SLC44A5: variants seen among roughly 807,000 people sequenced by gnomAD.
SLC44A5 encodes the protein solute carrier family 44 member 5.
Under a neutral mutation model 101.8 loss-of-function variants are expected in SLC44A5, and 57 were observed. The ratio of observed to expected loss-of-function variants is 0.56; its 90% CI spans 0.45 to 0.70. The LOEUF (loss-of-function observed/expected upper bound fraction) is 0.70. SLC44A5 is among the 30% of genes least tolerant of loss of function. The pLI is 0.00. For synonymous variants in SLC44A5, 281 were observed against 290.9 expected, an observed-to-expected ratio of 0.97 and a Z score of 0.35; for missense variants, 737 against 853.1, an observed-to-expected ratio of 0.86 and a Z score of 1.70.
At chr1:75,456,053 T>A (rs1276892651) in intron 2 of SLC44A5, among the ~76,000 whole-genome samples, 1 of 152,148 alleles carries the variant, frequency 6.6e-6, no homozygotes, top group African/African-American at 2.4e-5. Flanking sequence ...AAAAGACACA[T>A]GTACTTCCCT....
the SLC44A5 span, among the ~76,000 whole-genome samples, chr1:75,653,374 C>T: frequency 2.6e-5 from 4 of 152,018 alleles, no homozygotes; most frequent in African/African-American, 9.7e-5. Flanking sequence ...CCCAGCTACT[C>T]GGGAGGCTGA....
chr1:75,608,889 C>A (rs1172530566), intron 1 of SLC44A5, among the ~76,000 whole-genome samples: 1 of 151,812 alleles, frequency 6.6e-6, no homozygotes. Context: ...CCTTACTATG[C>A]TCATTTTTTT....
chr1:75,305,662 T>C (rs996831531), intron 4 of SLC44A5, among the ~76,000 whole-genome samples: 3 of 152,100 alleles, frequency 2.0e-5, no homozygotes, highest in African/African-American at 4.8e-5. Context: ...ACCTCTAGAC[T>C]CCCCCTCCTG....
At position 75,339,567 on chromosome 1, in the gene SLC44A5, A is replaced by T; in HGVS notation, c.101+15T>A. 3 of 1,594,836 alleles carry T rather than the reference A, an allele frequency of 1.9e-6. No homozygotes were observed. Among genetic ancestry groups the T allele is most frequent in the Non-Finnish European group, 2.6e-6 (3 of 1,170,888 alleles). ...ATGTTTAAAAAAGCATATTCCCCAA[A>T]AAATAATTGCTTACCTGTTGGCAAC... On this transcript the variant is annotated intron_variant, in intron 4 of 23. Transcript: ENST00000370859.
rs761717861 is a variant in SLC44A5, at chr1:75,237,041, G to A, written c.686C>T (p.Ser229Leu). The A allele has an allele frequency of 6.2e-7, 1 of 1,602,310 alleles. No individual in the cohort carries two copies. Residue 229 changes from serine (S) to leucine (L), a missense_variant, in exon 11 of 24, where the codon TCA becomes TTA. Ser to Leu is a moderately radical substitution (Grantham distance 145, BLOSUM62 -2). Around this residue, in one of 3 missense-constraint regions of SLC44A5, gnomAD observed 665 missense variants for 764.4 expected, o/e 0.87. Transcript: ENST00000370859. The stretch of plus-strand genomic sequence containing the variant: ...GTCTTCAAACACTTTCAATCCAAGT[G>A]ACTTTGCATCAAGAAGTTTATTGAT... ...NGINKLLDAK[S>L]LGLKVFEDYA... is the part of the protein sequence containing the mutation.
chr1:75,387,113 G>A (rs999203971), intron 3 of SLC44A5, among the ~76,000 whole-genome samples: 27 of 152,256 alleles, frequency 1.8e-4, no homozygotes, highest in Non-Finnish European at 3.5e-4. Flanking sequence ...AATCCTAGAA[G>A]AAAACCTAGG....
At chr1:75,210,225 A>G (rs1188889399) in intron 23 of SLC44A5, among the ~76,000 whole-genome samples, 1 of 151,154 alleles carries the variant, frequency 6.6e-6, no homozygotes, top group African/African-American at 2.4e-5. Flanking sequence ...TTATTTATTT[A>G]TTTATTTATT....
At chr1:75,443,418 G>A (rs1044592842) in intron 2 of SLC44A5, among the ~76,000 whole-genome samples, 3 of 151,770 alleles carry the variant, frequency 2.0e-5, no homozygotes, top group African/African-American at 4.8e-5. Context: ...TGAAAGGGGT[G>A]TATAACTACA....
Position 75,215,844 on chromosome 1 carries a change from T to C in SLC44A5, c.1638A>G (p.Thr546=). The change falls in exon 19 of 24, where the codon ACA becomes ACG. Residue 546 remains threonine, a synonymous_variant. Transcript: ENST00000370859. ...GGCAGCATTGTAGGAATTTAGACAA[T>C]GTGTTCTGGGTACCTATGAGAAGGA... ...LDHRLKRTQN[T]LSKFLQCCLR... 6.3e-7 allele frequency: 1 copy of C among 1,589,142 alleles called. No individual in the cohort carries two copies. Among genetic ancestry groups the C allele is most frequent in the Non-Finnish European group, 8.6e-7 (1 of 1,158,200 alleles).
the SLC44A5 span, among the ~76,000 whole-genome samples, chr1:75,660,406 C>T: frequency 6.6e-6 from 1 of 152,050 alleles, no homozygotes; most frequent in Admixed American, 6.6e-5. Context: ...GAAAGCCCTT[C>T]CTCTAATACC....
the SLC44A5 span, among the ~76,000 whole-genome samples, chr1:75,631,899 TCAAA>T: frequency 6.6e-6 from 1 of 152,070 alleles, no homozygotes; most frequent in African/African-American, 2.4e-5. Flanking sequence ...GCTCCTGAGC[TCAAA>T]CAATCTGCCA....
chr1:75,700,155 C>A, the SLC44A5 span, among the ~76,000 whole-genome samples: 4 of 152,116 alleles, frequency 2.6e-5, no homozygotes, highest in Non-Finnish European at 4.4e-5. Flanking sequence ...ACCAAGCAGA[C>A]CTAATAGACA....
At chr1:75,343,006 G>A (rs1033660975) in intron 3 of SLC44A5, among the ~76,000 whole-genome samples, 2 of 152,016 alleles carry the variant, frequency 1.3e-5, no homozygotes, top group Non-Finnish European at 2.9e-5. Context: ...AATCAATAGA[G>A]GGCAGTGCTT....
At chr1:75,378,979 T>C (rs1194695799) in intron 3 of SLC44A5, among the ~76,000 whole-genome samples, 1 of 80,022 alleles carries the variant, frequency 1.2e-5, no homozygotes, top group Admixed American at 1.2e-4. Flanking sequence ...GTAGACAGGG[T>C]AGTGAATTAC....
chr1:75,608,202 C>CA (rs139572909), intron 1 of SLC44A5, among the ~76,000 whole-genome samples: 30,037 of 148,990 alleles, frequency 0.2, 3,307 homozygotes, highest in Admixed American at 0.27. Flanking sequence ...AAACAAAAAA[C>CA]AAAAAAAAAC....
chr1:75,506,423 A>G (rs746105268), intron 2 of SLC44A5, among the ~76,000 whole-genome samples: 1 of 152,114 alleles, frequency 6.6e-6, no homozygotes, highest in African/African-American at 2.4e-5. Flanking sequence ...GCTTGAATCT[A>G]TAGATTGCTT....
chr1:75,542,786 GATT>G (rs1376306986), intron 1 of SLC44A5, among the ~76,000 whole-genome samples: 3 of 151,912 alleles, frequency 2.0e-5, no homozygotes, highest in East Asian at 1.9e-4. Context: ...TTCACCTTTT[GATT>G]ATTTTGTTTT....
the SLC44A5 span, among the ~76,000 whole-genome samples, chr1:75,667,121 G>A: frequency 3.3e-5 from 5 of 152,038 alleles, no homozygotes; most frequent in African/African-American, 1.2e-4. Context: ...TATTCAAATA[G>A]GAAGAGAGGA....
intron 4 of SLC44A5, among the ~76,000 whole-genome samples, chr1:75,319,154 TCTGTAAAGACTTTTGTGTGCTTTG>T (rs1655946178): frequency 6.6e-6 from 1 of 152,166 alleles, no homozygotes; most frequent in Admixed American, 6.6e-5. Flanking sequence ...TCCATATGAT[TCTGTAAAGACTTTTGTGTGCTTTG>T]CGATACATTA....
Sources: allele counts gnomAD v4.1 joint callset (sites outside exome capture counted in the v4.1 genomes callset), GRCh38; gene constraint gnomAD v4.1.1; regional missense constraint gnomAD v4.1.1; transcripts MANE v1.5; gene names NCBI Gene and HGNC (gene_info 2026-07-23, HGNC 2026-07-21).